EDRF1: variants seen among roughly 807,000 people sequenced by gnomAD.
The protein encoded by EDRF1 is erythroid differentiation regulatory factor 1, also known as erythroid differentiation-related factor 1.
In EDRF1, 69 loss-of-function variants were observed where a neutral mutation model predicts 148.7. That is an observed-to-expected ratio of 0.46 (90% CI 0.38 to 0.57). The LOEUF (loss-of-function observed/expected upper bound fraction) is 0.57, where lower values mean the gene tolerates loss of function less well. Among genes scored for constraint, EDRF1 ranks in the 20% least tolerant of loss-of-function variants. The pLI is 0.00. For missense variants in EDRF1, 1,118 were observed against 1,478.7 expected, an observed-to-expected ratio of 0.76 and a Z score of 4.00; for synonymous variants, 515 against 532.8, an observed-to-expected ratio of 0.97 and a Z score of 0.46.
At position 125,745,749 on chromosome 10, in the gene EDRF1, A is replaced by G; in HGVS notation, c.2633A>G (p.Lys878Arg). ...GCTGCCGAGCAACAGTTGTGGAAAA[A>G]AAGCTTTTCTTGTTTTGAAAAGGGA... Reference protein sequence around the residue: ...VSAAEQQLWKKSFSCFEKGIH... With the variant: ...VSAAEQQLWKRSFSCFEKGIH... Residue 878 changes from lysine (K) to arginine (R), a missense_variant, in exon 19 of 25, where the codon AAA becomes AGA. Around this residue, in one of 3 missense-constraint regions of EDRF1, gnomAD observed 954 missense variants for 1,241.4 expected, o/e 0.77. Transcript: ENST00000356792. 3 of 1,614,270 alleles carry G rather than the reference A, an allele frequency of 1.9e-6. No homozygotes were observed. Among genetic ancestry groups the G allele is most frequent in the East Asian group, 4.5e-5 (2 of 44,888 alleles).
At chr10:125,751,999 C>G (rs1333184935) in intron 22 of EDRF1, 1 of 152,242 alleles carries the variant, frequency 6.6e-6, no homozygotes, top group African/African-American at 2.4e-5. Flanking sequence ...GCCTTGGTGT[C>G]CAGAGTTTTC....
At chr10:125,731,629 A>T (rs1020675498) in intron 9 of EDRF1, among the ~76,000 whole-genome samples, 8 of 152,072 alleles carry the variant, frequency 5.3e-5, no homozygotes, top group African/African-American at 1.9e-4. Flanking sequence ...TAGGAGGGGA[A>T]ATTTGTTGTG....
chr10:125,746,018 CTAAAAA>C, intron 19 of EDRF1, 88 bp downstream of exon 19: 1 of 1,247,092 alleles, frequency 8.0e-7, no homozygotes, highest in Non-Finnish European at 1.2e-6. Flanking sequence ...TACTATAAAA[CTAAAAA>C]TAATTAAACT....
rs748114552 is a variant in EDRF1 at position 125,729,346 on chromosome 10, T to A, written c.895-12T>A. The A allele has an allele frequency of 1.3e-5, 21 of 1,612,236 alleles. No homozygotes were observed. Among genetic ancestry groups the A allele is most frequent in the Non-Finnish European group, 1.8e-5 (21 of 1,178,296 alleles). ...GACTGTTTATTATAATCCTCCCTAT[T>A]TTAAATCACAGGGTCTTAAAAATGA... is the stretch of plus-strand genomic sequence containing the variant. On this transcript the variant is annotated splice_polypyrimidine_tract_variant and intron_variant, in intron 7 of 24. Coordinates refer to ENST00000356792, the MANE Select transcript of EDRF1 (RefSeq NM_001202438.2).
chr10:125,736,166 C>T (rs1313238836), intron 13 of EDRF1, among the ~76,000 whole-genome samples: 2 of 152,086 alleles, frequency 1.3e-5, no homozygotes, highest in African/African-American at 4.8e-5. Flanking sequence ...TTCCAGTGAC[C>T]AGTGTGTAGT....
Position 125,723,071 on chromosome 10 carries a change from T to C in EDRF1, c.321T>C (p.Phe107=), listed in dbSNP as rs762489054. The stretch of plus-strand genomic sequence containing the variant: ...TGTCCTTTTTTCTCTTTGGTAGCTT[T>C]GGCATGGCATATGACTTTATTGATT... ...NSKKSKPFSS[F]GMAYDFIDSV... is the part of the protein sequence containing the mutation. The change falls in exon 3 of 25, where the codon TTT becomes TTC. Residue 107 remains phenylalanine, a synonymous_variant. Transcript: ENST00000356792. The C allele has an allele frequency of 1.9e-5, 30 of 1,613,524 alleles. No homozygotes were observed. The highest frequency in any genetic ancestry group is 1.1e-4 in the South Asian group (10 of 91,076).
chr10:125,733,923 C>T (rs1848602511), intron 11 of EDRF1, 149 bp from the exon 12 acceptor site: 10 of 868,402 alleles, frequency 1.2e-5, no homozygotes, highest in Non-Finnish European at 1.3e-5. Flanking sequence ...ATAGTATAAA[C>T]GTTTTGGGGG....
At chr10:125,728,878 C>G in intron 6 of EDRF1, 125 bp from the exon 7 acceptor site, 1 of 740,456 alleles carries the variant, frequency 1.4e-6, no homozygotes. Flanking sequence ...TTTGTATTGG[C>G]CTAATAATTC....
At chr10:125,749,384 T>G in intron 21 of EDRF1, 28 bp from the exon 22 acceptor site, 1 of 1,614,034 alleles carries the variant, frequency 6.2e-7, no homozygotes, top group Non-Finnish European at 8.5e-7. Context: ...CCGTGAAGGA[T>G]TTGTTGCTTG....
chr10:125,751,404 G>GGT (rs1554875822), intron 22 of EDRF1, among the ~76,000 whole-genome samples: 2 of 140,700 alleles, frequency 1.4e-5, no homozygotes, highest in African/African-American at 5.4e-5. Context: ...TTTACCCAGT[G>GGT]TTTTTTTTTT....
intron 17 of EDRF1, 81 bp downstream of exon 17, chr10:125,741,282 G>T (rs1490419049): frequency 8.1e-7 from 1 of 1,235,174 alleles, no homozygotes; most frequent in Non-Finnish European, 1.2e-6. Context: ...TCAGAAAAGG[G>T]GTAGAAATAT....
chr10:125,723,908 T>G lies in EDRF1; in HGVS notation c.482T>G (p.Ile161Ser). 6.2e-7 allele frequency: 1 copy of G among 1,613,674 alleles called. No homozygotes were observed. The highest frequency in any genetic ancestry group is 8.5e-7 in the Non-Finnish European group (1 of 1,179,650). The change falls in exon 4 of 25, where the codon ATT (isoleucine) becomes AGT (serine). Residue 161 changes from isoleucine (I) to serine (S), a missense_variant. Physicochemically the swap from Ile to Ser is moderately radical, Grantham distance 142. Coordinates refer to ENST00000356792, the MANE Select transcript of EDRF1 (RefSeq NM_001202438.2). ...ACTCTCTTACTAGATGAGCTAGATA[T>G]TCAAGAACTCTTTATGAGATCGTCT... Reference protein sequence around the residue: ...GRTLLLDELDIQELFMRSSQT... With the variant: ...GRTLLLDELDSQELFMRSSQT...
At chr10:125,755,146 A>G (rs1441097666) in intron 24 of EDRF1, among the ~76,000 whole-genome samples, 1 of 152,204 alleles carries the variant, frequency 6.6e-6, no homozygotes, top group African/African-American at 2.4e-5. Flanking sequence ...GGCTTTGTAG[A>G]GGCCTTTATC....
At position 125,733,621 on chromosome 10, in the gene EDRF1, G is replaced by GTTTTTC; in HGVS notation, c.1277-9_1277-4dup. Reference sequence around the variant, plus strand: ...AACTGCTGTGAAATGAGTCTTCTTTGTTTTTCTTTTCAGCAAGTGGCAGCG... The same window carrying GTTTTTC: ...AACTGCTGTGAAATGAGTCTTCTTTGTTTTTCTTTTTCTTTTCAGCAAGTGGCAGCG... On this transcript the variant is annotated splice_polypyrimidine_tract_variant and intron_variant, in intron 10 of 24. Transcript: ENST00000356792. 6.2e-7 allele frequency: 1 copy of GTTTTTC among 1,612,884 alleles called. No homozygotes were observed. The highest frequency in any genetic ancestry group is 8.5e-7 in the Non-Finnish European group (1 of 1,179,022).
At chr10:125,762,217 G>A (rs989560062) in intron 24 of EDRF1, among the ~76,000 whole-genome samples, 1 of 152,220 alleles carries the variant, frequency 6.6e-6, no homozygotes, top group Non-Finnish European at 1.5e-5. Context: ...TGACTGGCAA[G>A]CCCTTGGGTG....
At chr10:125,728,772 AATCT>A (rs1482479786) in intron 6 of EDRF1, among the ~76,000 whole-genome samples, 1 of 152,236 alleles carries the variant, frequency 6.6e-6, no homozygotes, top group East Asian at 1.9e-4. Flanking sequence ...AATAATCTTT[AATCT>A]ATCTCTCTTG....
intron 22 of EDRF1, among the ~76,000 whole-genome samples, chr10:125,750,648 G>C: frequency 6.6e-6 from 1 of 152,238 alleles, no homozygotes; most frequent in African/African-American, 2.4e-5. Context: ...TTCCCTTTGG[G>C]GAGGAAACCT....
chr10:125,749,656 A>G, intron 22 of EDRF1, 91 bp downstream of exon 22: 3 of 1,471,980 alleles, frequency 2.0e-6, no homozygotes, highest in Non-Finnish European at 2.8e-6. Flanking sequence ...TCTAAATAAT[A>G]CTATTTTCTT....
Position 125,747,875 on chromosome 10 carries a change from G to A in EDRF1, c.2986G>A (p.Val996Ile). 1 of 1,614,174 alleles carries A rather than the reference G, an allele frequency of 6.2e-7. No individual in the cohort carries two copies. Among genetic ancestry groups the A allele is most frequent in the Admixed American group, 1.7e-5 (1 of 60,020 alleles). Reference sequence around the variant, plus strand: ...AAAACAAGAACAGATTGAGAAAGAAGTCAGTGAGGCCATGATGAAGTCCCT... The same window carrying A: ...AAAACAAGAACAGATTGAGAAAGAAATCAGTGAGGCCATGATGAAGTCCCT... ...RKAQEQIEKE[V>I]SEAMMKSLKY... is the part of the protein sequence containing the mutation. Residue 996 changes from valine (V) to isoleucine (I), a missense_variant, in exon 21 of 25, where the codon GTC becomes ATC. Transcript: ENST00000356792.
Sources: gnomAD v4.1 joint callset for allele counts (sites outside exome capture counted in the v4.1 genomes callset) on GRCh38, gnomAD v4.1.1 for gene constraint, gnomAD v4.1.1 regional missense constraint, MANE v1.5 for transcripts, NCBI Gene and HGNC (gene_info 2026-07-23, HGNC 2026-07-21) for gene names.